Variants in PIGX observed in about 807,000 individuals in gnomAD.
The protein encoded by PIGX is phosphatidylinositol glycan anchor biosynthesis class X, also known as GPI alpha-1,4-mannosyltransferase I, stabilizing subunit.
In PIGX, 24 loss-of-function variants were observed where a neutral mutation model predicts 28.7. The observed-to-expected ratio is 0.84, with a 90% CI of 0.60 to 1.17. The LOEUF (loss-of-function observed/expected upper bound fraction) is 1.17. PIGX is among the 50% of genes most tolerant of loss of function. PIGX has a pLI of 0.00. For synonymous variants in PIGX, 127 were observed against 121.0 expected, an observed-to-expected ratio of 1.05 and a Z score of -0.33; for missense variants, 305 against 317.8, an observed-to-expected ratio of 0.96 and a Z score of 0.31.
In PIGX at chr3:196,712,548, G is replaced by A; in HGVS notation, c.16G>A (p.Ala6Thr). 7 of 1,176,496 alleles carry A rather than the reference G, an allele frequency of 5.9e-6. No homozygotes were observed. Among genetic ancestry groups the A allele is most frequent in the Non-Finnish European group, 7.4e-6 (7 of 952,290 alleles). 72.9% of individuals were successfully genotyped at this position (1,176,496 alleles called of 1,614,324 possible). A position where few individuals can be genotyped will look rare whatever the true frequency, so the allele number is the denominator to read the frequency against. Residue 6 changes from alanine (A) to threonine (T), a missense_variant, in exon 1 of 6, where the codon GCG becomes ACG. By Grantham distance (58) the Ala-to-Thr change is moderately conservative (BLOSUM62 0). Coordinates refer to ENST00000392391, the MANE Select transcript of PIGX (RefSeq NM_017861.4). ...TTCCGGCGTCCTGGCGGCTCGGGTG[G>A]CGGCGGTTCGGGCGGCCGCCTGGCT...
chr3:196,732,283 A>ATT (rs1395851734), intron 5 of PIGX, among the ~76,000 whole-genome samples: 2 of 24,380 alleles, frequency 8.2e-5, no homozygotes, highest in East Asian at 1.7e-3. Context: ...TTTTTTTTTT[A>ATT]TTTTATTTTT....
rs1055511434 is a variant in PIGX, at chr3:196,730,981, A to G, written c.533-11A>G. 1 of 1,562,550 alleles carries G rather than the reference A, an allele frequency of 6.4e-7. No homozygotes were observed. Among genetic ancestry groups the G allele is most frequent in the South Asian group, 1.1e-5 (1 of 89,770 alleles). Reference sequence around the variant, plus strand: ...AGGTTTTCTGACATCATTTTCTACCACTTTTCTCAGAGTTCCCGATTTTGA... The same window carrying G: ...AGGTTTTCTGACATCATTTTCTACCGCTTTTCTCAGAGTTCCCGATTTTGA... On this transcript the variant is annotated splice_polypyrimidine_tract_variant and intron_variant, in intron 4 of 5. Transcript: ENST00000392391.
intron 1 of PIGX, among the ~76,000 whole-genome samples, chr3:196,714,805 C>G (rs972498333): frequency 1.3e-5 from 2 of 152,158 alleles, no homozygotes; most frequent in African/African-American, 4.8e-5. Context: ...CGGCTGGGCG[C>G]TGTGGCCCAT....
chr3:196,722,826 A>G (rs761404751), intron 3 of PIGX, among the ~76,000 whole-genome samples: 12 of 152,218 alleles, frequency 7.9e-5, no homozygotes, highest in Non-Finnish European at 8.8e-5. Context: ...GAGAAAATTA[A>G]TGATTAATAA....
At chr3:196,719,186 G>C (rs554304908) in intron 2 of PIGX, among the ~76,000 whole-genome samples, 1 of 151,946 alleles carries the variant, frequency 6.6e-6, no homozygotes, top group Non-Finnish European at 1.5e-5. Flanking sequence ...TGATTAGACC[G>C]TTTATTTTTA....
chr3:196,730,504 C>G (rs1246496142), intron 4 of PIGX, among the ~76,000 whole-genome samples: 1 of 152,034 alleles, frequency 6.6e-6, no homozygotes, highest in Non-Finnish European at 1.5e-5. Flanking sequence ...AATCCCAACA[C>G]TTTGGGAAAC....
chr3:196,729,985 A>G (rs112352721), intron 4 of PIGX, among the ~76,000 whole-genome samples: 2,444 of 151,022 alleles, frequency 0.016, 56 homozygotes, highest in African/African-American at 0.056. Context: ...CACGGGAATC[A>G]CTTGAACCTG....
At chr3:196,728,368 C>T (rs1712610514) in intron 4 of PIGX, 2 of 591,482 alleles carry the variant, frequency 3.4e-6, no homozygotes, top group Admixed American at 3.1e-5. Context: ...TCTGCCATCC[C>T]TGTCCTTGAC....
At chr3:196,724,767 C>T (rs1712457049) in intron 3 of PIGX, among the ~76,000 whole-genome samples, 1 of 152,056 alleles carries the variant, frequency 6.6e-6, no homozygotes, top group African/African-American at 2.4e-5. Flanking sequence ...TTCCTTCTGC[C>T]TAGTTGAGAT....
intron 3 of PIGX, among the ~76,000 whole-genome samples, chr3:196,725,244 A>G (rs1484649250): frequency 6.6e-6 from 1 of 152,226 alleles, no homozygotes; most frequent in African/African-American, 2.4e-5. Context: ...CAAAGTATGT[A>G]GTATTAAGGC....
chr3:196,717,008 T>C (rs1712124528), intron 2 of PIGX, 87 bp downstream of exon 2: 3 of 840,302 alleles, frequency 3.6e-6, no homozygotes, highest in Non-Finnish European at 5.8e-6. Context: ...TTTGTATAAA[T>C]TGAAAAATCA....
Position 196,731,026 on chromosome 3 carries a change from A to C in PIGX, c.567A>C (p.Glu189Asp). 6.2e-7 allele frequency: 1 copy of C among 1,611,804 alleles called. No homozygotes were observed. The highest frequency in any genetic ancestry group is 8.5e-7 in the Non-Finnish European group (1 of 1,178,076). The change falls in exon 5 of 6, where the codon GAA (glutamate) becomes GAC (aspartate). Residue 189 changes from glutamate to aspartate, a missense_variant. Glu to Asp is a conservative substitution (Grantham distance 45). Coordinates refer to ENST00000392391, the MANE Select transcript of PIGX (RefSeq NM_017861.4). ...TTTTGAAATGCTGGGCTCACTCAGAAGTGGCAGCCCCTTGTGCTTTGGAGA... is the reference window on the plus strand; with the variant it reads ...TTTTGAAATGCTGGGCTCACTCAGACGTGGCAGCCCCTTGTGCTTTGGAGA...
chr3:196,721,609 T>A (rs189877123), intron 2 of PIGX, among the ~76,000 whole-genome samples: 57 of 152,010 alleles, frequency 3.7e-4, no homozygotes, highest in Admixed American at 1.2e-3. Context: ...CTAATTTTTT[T>A]ATTTTTTTAG....
intron 4 of PIGX, among the ~76,000 whole-genome samples, chr3:196,729,175 T>C (rs1478092891): frequency 6.6e-6 from 1 of 151,522 alleles, no homozygotes; most frequent in Non-Finnish European, 1.5e-5. Flanking sequence ...CTACTAAAAA[T>C]ACAAAAAATT....
At chr3:196,729,812 G>T (rs1490829588) in intron 4 of PIGX, among the ~76,000 whole-genome samples, 1 of 150,092 alleles carries the variant, frequency 6.7e-6, no homozygotes, top group South Asian at 2.2e-4. Context: ...TATCACACCT[G>T]TAATCCCAGC....
At position 196,712,636 on chromosome 3, in the gene PIGX, C is replaced by T; in HGVS notation, c.104C>T (p.Ser35Phe). Residue 35 changes from serine to phenylalanine, a missense_variant, in exon 1 of 6, where the codon TCT becomes TTT. Coordinates refer to ENST00000392391, the MANE Select transcript of PIGX (RefSeq NM_017861.4). ...GCCGCGGCCTTCACCGCCGCGCGCTCTGACGCCGGTAAGGGGGGCGGGGCT... is the reference window on the plus strand; with the variant it reads ...GCCGCGGCCTTCACCGCCGCGCGCTTTGACGCCGGTAAGGGGGGCGGGGCT... 8.4e-7 allele frequency: 1 copy of T among 1,189,606 alleles called. No homozygotes were observed. Among genetic ancestry groups the T allele is most frequent in the African/African-American group, 1.6e-5 (1 of 62,824 alleles). The allele number at this position is 1,189,606 out of a possible 1,614,324, so 73.7% of individuals were successfully genotyped here. A position where few individuals can be genotyped will look rare whatever the true frequency, so the allele number is the denominator to read the frequency against.
At chr3:196,721,771 T>TTTTTTTTTTG (rs1258774794) in intron 2 of PIGX, among the ~76,000 whole-genome samples, 2 of 151,796 alleles carry the variant, frequency 1.3e-5, no homozygotes, top group African/African-American at 4.8e-5. Context: ...TCTTTTTTTT[T>TTTTTTTTTTG]AGATGGGGAT....
intron 4 of PIGX, among the ~76,000 whole-genome samples, chr3:196,730,130 A>G: frequency 6.6e-6 from 1 of 152,006 alleles, no homozygotes; most frequent in East Asian, 1.9e-4. Flanking sequence ...AGTTTTTAAT[A>G]CTACATTTGT....
intron 2 of PIGX, among the ~76,000 whole-genome samples, chr3:196,717,646 A>AT (rs1327972011): frequency 5.9e-5 from 9 of 152,142 alleles, no homozygotes; most frequent in African/African-American, 1.9e-4. Flanking sequence ...GAGATAGATG[A>AT]TTTTTTCTTA....
Sources: gnomAD v4.1 joint callset for allele counts (sites outside exome capture counted in the v4.1 genomes callset) on GRCh38, gnomAD v4.1.1 for gene constraint, MANE v1.5 for transcripts, NCBI Gene and HGNC (gene_info 2026-07-23, HGNC 2026-07-21) for gene names.